Variants in NAALADL2 observed in about 807,000 individuals in gnomAD.
NAALADL2 encodes N-acetylated alpha-linked acidic dipeptidase like 2.
NAALADL2 carries 76 observed loss-of-function variants against 87.2 expected under a neutral mutation model. That is an observed-to-expected ratio of 0.87 (90% CI 0.72 to 1.05). The LOEUF (loss-of-function observed/expected upper bound fraction) is 1.05. Among genes scored for constraint, NAALADL2 ranks in the 50% least tolerant of loss-of-function variants. The pLI is 0.00. For missense variants in NAALADL2, 1,089 were observed against 945.8 expected (o/e 1.15, Z -1.99); for synonymous variants, 354 against 331.0 (o/e 1.07, Z -0.75).
At chr3:175,129,148 T>C (rs899368238) in intron 2 of NAALADL2, among the ~76,000 whole-genome samples, 90 of 152,110 alleles carry the variant, frequency 5.9e-4, no homozygotes, top group Non-Finnish European at 4.4e-5. Context: ...GGTTTTGTCA[T>C]GTTGGCCAGA....
chr3:175,116,913 G>A (rs1215798205), intron 2 of NAALADL2, among the ~76,000 whole-genome samples: 2 of 151,936 alleles, frequency 1.3e-5, no homozygotes, highest in African/African-American at 4.8e-5. Context: ...CCAAAACAGA[G>A]ATATTGAAGA....
At chr3:175,324,111 A>C in intron 4 of NAALADL2, 64 bp from the exon 5 acceptor site, 1 of 1,335,336 alleles carries the variant, frequency 7.5e-7, no homozygotes, top group South Asian at 1.4e-5. Context: ...CATTGGCAAA[A>C]TGGCACTATA....
intron 1 of NAALADL2, among the ~76,000 whole-genome samples, chr3:174,899,890 T>G (rs1732100189): frequency 6.6e-6 from 1 of 151,064 alleles, no homozygotes; most frequent in South Asian, 2.1e-4. Flanking sequence ...AAAAAAAAAG[T>G]TCTATTCCAA....
At chr3:174,821,993 T>C (rs984954949) in intron 3 of NAALADL2, among the ~76,000 whole-genome samples, 1 of 152,170 alleles carries the variant, frequency 6.6e-6, no homozygotes, top group African/African-American at 2.4e-5. Context: ...TTCACTGCGA[T>C]AATAAAGATA....
intron 1 of NAALADL2, among the ~76,000 whole-genome samples, chr3:174,544,081 A>G (rs1233499394): frequency 6.6e-6 from 1 of 151,652 alleles, no homozygotes; most frequent in East Asian, 1.9e-4. Context: ...ACCCTCCAAT[A>G]CTTCTCTCAT....
In NAALADL2 at chr3:174,446,202, C is replaced by A. The variant is rs116551429; in HGVS notation, c.-184+5170C>A. Among the ~76,000 whole-genome samples, 391 of 152,062 alleles carry A rather than the reference C, an allele frequency of 2.6e-3. 1 individual carries two copies. Among genetic ancestry groups the A allele is most frequent in the Non-Finnish European group, 4.4e-3 (301 of 67,970 alleles). On this transcript the variant is annotated intron_variant, in intron 1 of 3. Coordinates refer to the NAALADL2 transcript ENST00000434257. ...GAATTTATGCTCTGGGTATTAATTA[C>A]CAAGGTACAATTTGATAGGAATATA... is the stretch of plus-strand genomic sequence containing the variant.
At chr3:175,639,655 C>A (rs1729032125) in intron 11 of NAALADL2, among the ~76,000 whole-genome samples, 1 of 152,064 alleles carries the variant, frequency 6.6e-6, no homozygotes, top group Admixed American at 6.6e-5. Context: ...ATAGGGAACA[C>A]TTTTGTGGTT....
intron 1 of NAALADL2, among the ~76,000 whole-genome samples, chr3:174,978,866 T>C (rs1744724894): frequency 1.3e-5 from 2 of 152,194 alleles, no homozygotes; most frequent in Non-Finnish European, 2.9e-5. Context: ...TTGTGTTTAA[T>C]GTATTTTATG....
At chr3:175,041,336 T>G (rs945448634) in intron 1 of NAALADL2, among the ~76,000 whole-genome samples, 17 of 152,294 alleles carry the variant, frequency 1.1e-4, no homozygotes, top group African/African-American at 3.8e-4. Context: ...ATGTTTCAAA[T>G]TTGCTGTTTC....
Position 175,631,366 on chromosome 3 carries a change from G to A in NAALADL2, c.1896+3980G>A, listed in dbSNP as rs116306929. On this transcript the variant is annotated intron_variant, in intron 11 of 13. Coordinates refer to ENST00000454872, the MANE Select transcript of NAALADL2 (RefSeq NM_207015.3). ...TTATCTCCCAAGTGACATACATTAAGCAATAAAATAAATAAACCATACTCA... is the reference window on the plus strand; with the variant it reads ...TTATCTCCCAAGTGACATACATTAAACAATAAAATAAATAAACCATACTCA... 6.6e-3 allele frequency among the ~76,000 whole-genome samples: 1,000 copies of A among 151,574 alleles called. 9 individuals carry two copies. The highest frequency in any genetic ancestry group is 0.023 in the African/African-American group (959 of 41,390).
At chr3:175,735,589 A>G (rs1744390682) in intron 11 of NAALADL2, among the ~76,000 whole-genome samples, 1 of 152,184 alleles carries the variant, frequency 6.6e-6, no homozygotes, top group African/African-American at 2.4e-5. Context: ...AGCAAGTCAC[A>G]TCTTTCATGG....
At position 175,760,326 on chromosome 3, in the gene NAALADL2, C is replaced by A. The variant is rs759658137; in HGVS notation, c.2189+4908C>A. ...TATGGATAAAGATAATTTCTAAAGT[C>A]ATTTCCAGCTCTACAGACTATTAAG... is the stretch of plus-strand genomic sequence containing the variant. On this transcript the variant is annotated intron_variant, in intron 13 of 13. Coordinates refer to ENST00000454872, the MANE Select transcript of NAALADL2 (RefSeq NM_207015.3). Among the ~76,000 whole-genome samples the A allele has an allele frequency of 3.3e-5, 5 of 152,110 alleles. No individual in the cohort carries two copies. The South Asian group carries it at 1.0e-3, about 31-fold the overall frequency.
intron 10 of NAALADL2, among the ~76,000 whole-genome samples, chr3:175,615,595 T>C (rs1725232141): frequency 6.6e-6 from 1 of 151,982 alleles, no homozygotes; most frequent in Non-Finnish European, 1.5e-5. Context: ...TGATGGCTCA[T>C]ATCTGTAATC....
At chr3:175,775,997 C>A (rs1750181688) in intron 13 of NAALADL2, among the ~76,000 whole-genome samples, 1 of 152,100 alleles carries the variant, frequency 6.6e-6, no homozygotes, top group Non-Finnish European at 1.5e-5. Flanking sequence ...TTTTCTCCCT[C>A]ACTTCCGTCT....
chr3:175,754,841 AGT>A (rs1408815997), intron 12 of NAALADL2, among the ~76,000 whole-genome samples: 1 of 152,214 alleles, frequency 6.6e-6, no homozygotes, highest in East Asian at 1.9e-4. Flanking sequence ...TTAAAGACAT[AGT>A]GCCTGGAATA....
At chr3:174,701,835 A>G (rs938538223) in intron 2 of NAALADL2, among the ~76,000 whole-genome samples, 14 of 152,162 alleles carry the variant, frequency 9.2e-5, no homozygotes, top group African/African-American at 3.4e-4. Context: ...TTGTTTATTC[A>G]TTCATGTGTC....
At chr3:175,150,364 T>C (rs886784926) in intron 2 of NAALADL2, among the ~76,000 whole-genome samples, 2 of 152,188 alleles carry the variant, frequency 1.3e-5, no homozygotes, top group Non-Finnish European at 2.9e-5. Flanking sequence ...CCATTAAATT[T>C]TTTTTCTTAG....
At chr3:174,902,362 T>G (rs1186994073) in intron 1 of NAALADL2, among the ~76,000 whole-genome samples, 1 of 152,148 alleles carries the variant, frequency 6.6e-6, no homozygotes, top group African/African-American at 2.4e-5. Context: ...AAGTACCTAT[T>G]ATAGAACAGA....
chr3:174,667,721 T>C (rs1726107225), intron 2 of NAALADL2, among the ~76,000 whole-genome samples: 1 of 151,902 alleles, frequency 6.6e-6, no homozygotes. Context: ...AGCTCATAAT[T>C]AGGTGAACTT....
Sources: gnomAD v4.1 joint callset for allele counts (sites outside exome capture counted in the v4.1 genomes callset) on GRCh38, gnomAD v4.1.1 for gene constraint, MANE v1.5 for transcripts, NCBI Gene and HGNC (gene_info 2026-07-23, HGNC 2026-07-21) for gene names.